Variants in NCOA1 observed in about 807,000 individuals in gnomAD.
NCOA1 encodes the protein nuclear receptor coactivator 1.
In NCOA1, 35 loss-of-function variants were observed where a neutral mutation model predicts 150.9. The observed-to-expected ratio is 0.23, with a 90% CI of 0.18 to 0.31. NCOA1 has a LOEUF of 0.31. Among genes scored for constraint, NCOA1 ranks in the 10% least tolerant of loss-of-function variants. The probability of loss-of-function intolerance (pLI) is 1.00; values close to 1 mark genes in which losing one functional copy is unlikely to be tolerated. For synonymous variants in NCOA1, 590 were observed against 630.0 expected (o/e 0.94, Z 0.95); for missense variants, 1,491 against 1,749.3 (o/e 0.85, Z 2.63).
chr2:24,557,985 TGGTTCATTTTCCCAAAATGAACCCTTG>T (rs541560248), intron 1 of NCOA1, among the ~76,000 whole-genome samples: 9 of 151,434 alleles, frequency 5.9e-5, no homozygotes, highest in South Asian at 4.2e-4. Flanking sequence ...TTTGGATCTC[TGGTTCATTTTCCCAAAATGAACCCTTG>T]GGTTCATTTT....
chr2:24,543,003 C>T (rs932171463), intron 1 of NCOA1, among the ~76,000 whole-genome samples: 1 of 152,146 alleles, frequency 6.6e-6, no homozygotes, highest in Non-Finnish European at 1.5e-5. Flanking sequence ...GAGCTAGTCT[C>T]TGAGGATACA....
At chr2:24,493,244 G>A (rs1572341852) in intron 1 of NCOA1, among the ~76,000 whole-genome samples, 1 of 152,256 alleles carries the variant, frequency 6.6e-6, no homozygotes, top group East Asian at 1.9e-4. Flanking sequence ...TTGTGGAAAG[G>A]TCTAATTTGG....
At chr2:24,737,523 A>G (rs1663376105) in intron 17 of NCOA1, among the ~76,000 whole-genome samples, 1 of 152,146 alleles carries the variant, frequency 6.6e-6, no homozygotes, top group South Asian at 2.1e-4. Flanking sequence ...ATAAAGCTAT[A>G]TGTTTGGAAT....
chr2:24,571,829 G>A (rs915695520), intron 2 of NCOA1, among the ~76,000 whole-genome samples: 1 of 152,116 alleles, frequency 6.6e-6, no homozygotes, highest in East Asian at 1.9e-4. Context: ...AGAAACCAAA[G>A]GATCAAGTGT....
chr2:24,681,960 C>T (rs559370892), intron 7 of NCOA1, among the ~76,000 whole-genome samples: 9 of 152,090 alleles, frequency 5.9e-5, no homozygotes, highest in Admixed American at 2.0e-4. Flanking sequence ...GTGATCCACC[C>T]GCCTCAGCCT....
At chr2:24,763,399 T>G (rs6755824) in intron 22 of NCOA1, among the ~76,000 whole-genome samples, 1 of 150,906 alleles carries the variant, frequency 6.6e-6, no homozygotes, top group Admixed American at 6.6e-5. Flanking sequence ...ATTAGCCGGG[T>G]GAGGTGGCGG....
At chr2:24,517,161 C>T (rs1200869326) in intron 1 of NCOA1, among the ~76,000 whole-genome samples, 1 of 151,612 alleles carries the variant, frequency 6.6e-6, no homozygotes. Flanking sequence ...CATTTACACA[C>T]TTATTTTTTA....
At chr2:24,644,815 T>C (rs192790892) in intron 4 of NCOA1, among the ~76,000 whole-genome samples, 226 of 152,350 alleles carry the variant, frequency 1.5e-3, no homozygotes, top group Middle Eastern at 6.8e-3. Context: ...TAAAAAATTA[T>C]AAGCATATAA....
intron 3 of NCOA1, among the ~76,000 whole-genome samples, chr2:24,632,508 T>C (rs1282918103): frequency 1.3e-5 from 2 of 152,190 alleles, no homozygotes; most frequent in African/African-American, 4.8e-5. Flanking sequence ...GTCTCTTGGC[T>C]AGTGGACACC....
intron 11 of NCOA1, among the ~76,000 whole-genome samples, chr2:24,704,612 A>G (rs982750326): frequency 1.3e-5 from 2 of 152,110 alleles, no homozygotes; most frequent in Non-Finnish European, 2.9e-5. Flanking sequence ...CCCTGCCTCT[A>G]CTAAAAATAC....
chr2:24,580,282 G>A (rs986905962), intron 2 of NCOA1, among the ~76,000 whole-genome samples: 1 of 152,060 alleles, frequency 6.6e-6, no homozygotes, highest in East Asian at 1.9e-4. Flanking sequence ...TATGTGTTTT[G>A]CCAAACATGG....
chr2:24,695,935 C>T (rs1672881886), intron 10 of NCOA1, among the ~76,000 whole-genome samples: 1 of 152,114 alleles, frequency 6.6e-6, no homozygotes, highest in Non-Finnish European at 1.5e-5. Context: ...TTAGTCACTG[C>T]CTGTGAGGAG....
chr2:24,555,399 A>C (rs1252794143), intron 1 of NCOA1, among the ~76,000 whole-genome samples: 1 of 152,206 alleles, frequency 6.6e-6, no homozygotes, highest in Non-Finnish European at 1.5e-5. Flanking sequence ...ATGTTGGTGA[A>C]TATTCCATGT....
intron 14 of NCOA1, among the ~76,000 whole-genome samples, chr2:24,717,200 C>T (rs1015107339): frequency 1.3e-5 from 2 of 152,214 alleles, no homozygotes; most frequent in African/African-American, 4.8e-5. Flanking sequence ...TTGGCAGTTT[C>T]TTACAAAACT....
At chr2:24,514,299 A>G (rs924509976) in intron 1 of NCOA1, among the ~76,000 whole-genome samples, 3 of 150,712 alleles carry the variant, frequency 2.0e-5, no homozygotes, top group African/African-American at 4.9e-5. Flanking sequence ...AAAAAAAAAA[A>G]AAAAAAAGGA....
intron 1 of NCOA1, among the ~76,000 whole-genome samples, chr2:24,522,468 A>C (rs1187348713): frequency 6.6e-6 from 1 of 152,210 alleles, no homozygotes; most frequent in Non-Finnish European, 1.5e-5. Flanking sequence ...GTAGAGGTAG[A>C]TATATCAACA....
At chr2:24,731,509 A>G (rs1265678985) in intron 17 of NCOA1, among the ~76,000 whole-genome samples, 2 of 152,222 alleles carry the variant, frequency 1.3e-5, no homozygotes, top group Non-Finnish European at 2.9e-5. Context: ...TATGTAATAT[A>G]AAATGTGCTT....
rs1665206635 is a variant in NCOA1, at chr2:24,768,994, C to T, written c.*603C>T. ...TCCTTTTTTTAAAGATGGATTTAAA[C>T]CAAGATGCCTCCAGGAAAGAGGACG... On this transcript the variant is annotated 3_prime_UTR_variant, in exon 23 of 23. Transcript: ENST00000348332. 1 of 212,928 alleles carries T rather than the reference C, an allele frequency of 4.7e-6. No individual in the cohort carries two copies. The highest frequency in any genetic ancestry group is 1.9e-4 in the South Asian group (1 of 5,352). 13.2% of individuals were successfully genotyped at this position (212,928 alleles called of 1,614,324 possible).
chr2:24,709,543 T>C (rs1410895840), intron 13 of NCOA1, among the ~76,000 whole-genome samples: 1 of 152,252 alleles, frequency 6.6e-6, no homozygotes. Context: ...AAGAGTTCTT[T>C]ATGTATGAGT....
Sources: allele counts gnomAD v4.1 joint callset (sites outside exome capture counted in the v4.1 genomes callset), GRCh38; gene constraint gnomAD v4.1.1; transcripts MANE v1.5; gene names NCBI Gene and HGNC (gene_info 2026-07-23, HGNC 2026-07-21).